The following DLGAP2 variants were observed in gnomAD, a reference collection of about 807,000 sequenced individuals.
DLGAP2 encodes the protein disks large-associated protein 2.
In DLGAP2, 26 loss-of-function variants were observed where a neutral mutation model predicts 100.3. The observed-to-expected ratio is 0.26, with a 90% confidence interval of 0.19 to 0.36. The LOEUF (loss-of-function observed/expected upper bound fraction) is 0.36. Ranked by LOEUF, DLGAP2 falls within the 10% of genes least tolerant of loss-of-function variation. The pLI is 1.00. For missense variants in DLGAP2, 1,858 were observed against 1,453.2 expected, an observed-to-expected ratio of 1.28 and a Z score of -4.53; for synonymous variants, 886 against 630.1, an observed-to-expected ratio of 1.41 and a Z score of -6.08.
chr8:1,535,529 T>C (rs1801128377), intron 4 of DLGAP2, among the ~76,000 whole-genome samples: 1 of 152,200 alleles, frequency 6.6e-6, no homozygotes, highest in South Asian at 2.1e-4. Flanking sequence ...GTTCAAGCGG[T>C]CAGATGGGCA....
At chr8:977,442 G>C (rs1800194593) in intron 2 of DLGAP2, among the ~76,000 whole-genome samples, 2 of 152,196 alleles carry the variant, frequency 1.3e-5, no homozygotes, top group South Asian at 4.1e-4. Context: ...CTAGGTTTCT[G>C]ACCCCTGTGA....
chr8:983,653 A>T (rs541480215), intron 2 of DLGAP2, among the ~76,000 whole-genome samples: 32 of 152,256 alleles, frequency 2.1e-4, no homozygotes, highest in African/African-American at 7.5e-4. Context: ...TAATTAAAAG[A>T]AGTTTTTGGG....
intron 2 of DLGAP2, among the ~76,000 whole-genome samples, chr8:1,128,567 G>A (rs1370840747): frequency 1.3e-5 from 2 of 152,212 alleles, no homozygotes; most frequent in Admixed American, 6.5e-5. Flanking sequence ...CACAGCCTGG[G>A]TGTGCGGCAG....
chr8:1,541,330 A>C (rs1801354815), intron 4 of DLGAP2, among the ~76,000 whole-genome samples: 1 of 152,212 alleles, frequency 6.6e-6, no homozygotes, highest in Non-Finnish European at 1.5e-5. Flanking sequence ...ACTCAGATTA[A>C]AATGGCCGTT....
At chr8:1,672,063 ATG>A (rs1252288799) in intron 10 of DLGAP2, among the ~76,000 whole-genome samples, 1 of 151,968 alleles carries the variant, frequency 6.6e-6, no homozygotes, top group Non-Finnish European at 1.5e-5. Context: ...TTTTGTGTGC[ATG>A]TGTGTGTTTG....
chr8:1,193,865 G>T (rs144602904), intron 2 of DLGAP2, among the ~76,000 whole-genome samples: 1 of 152,234 alleles, frequency 6.6e-6, no homozygotes, highest in African/African-American at 2.4e-5. Context: ...GGCCTCTAGA[G>T]CCTCCGCACC....
chr8:824,375 G>A (rs12544999), intron 1 of DLGAP2, among the ~76,000 whole-genome samples: 1 of 152,042 alleles, frequency 6.6e-6, no homozygotes, highest in Non-Finnish European at 1.5e-5. Context: ...CCATGCCCGG[G>A]CACATTCCTT....
intron 3 of DLGAP2, among the ~76,000 whole-genome samples, chr8:1,367,721 A>G (rs975379226): frequency 6.6e-6 from 1 of 152,234 alleles, no homozygotes; most frequent in South Asian, 2.1e-4. Context: ...TGTCTCATTT[A>G]AAACGGTTCC....
intron 6 of DLGAP2, 87 bp downstream of exon 6, chr8:1,565,981 G>A (rs1336894532): frequency 1.7e-6 from 2 of 1,157,802 alleles, no homozygotes; most frequent in African/African-American, 1.6e-5. Context: ...CGTGAGCTGA[G>A]TGCCATCCAT....
At chr8:1,341,905 A>T (rs142972034) in intron 3 of DLGAP2, among the ~76,000 whole-genome samples, 4 of 152,084 alleles carry the variant, frequency 2.6e-5, no homozygotes, top group African/African-American at 9.7e-5. Flanking sequence ...GGGTGAAGCA[A>T]TTGAGGTCTG....
intron 2 of DLGAP2, among the ~76,000 whole-genome samples, chr8:1,111,458 C>G (rs1377655994): frequency 7.2e-5 from 11 of 151,860 alleles, no homozygotes; most frequent in Admixed American, 6.6e-4. Flanking sequence ...CTTAGGTTAA[C>G]TCATGTCACA....
intron 2 of DLGAP2, among the ~76,000 whole-genome samples, chr8:1,132,819 G>A (rs1462572302): frequency 6.6e-6 from 1 of 152,248 alleles, no homozygotes; most frequent in Non-Finnish European, 1.5e-5. Flanking sequence ...AGGACGCCCA[G>A]TCGCTGGGGC....
chr8:1,387,518 A>T (rs572395819), intron 3 of DLGAP2, among the ~76,000 whole-genome samples: 1 of 152,260 alleles, frequency 6.6e-6, no homozygotes, highest in African/African-American at 2.4e-5. Context: ...CTGGAGAAGG[A>T]CGGTGGTCGT....
chr8:1,566,189 C>G (rs1425462720), intron 6 of DLGAP2, among the ~76,000 whole-genome samples: 2 of 152,134 alleles, frequency 1.3e-5, no homozygotes, highest in Admixed American at 6.5e-5. Flanking sequence ...ATCCTCAGGA[C>G]AAGCACATGT....
At chr8:1,164,248 A>AACCCCCCAGG (rs1796961698) in intron 2 of DLGAP2, among the ~76,000 whole-genome samples, 4 of 130,496 alleles carry the variant, frequency 3.1e-5, no homozygotes, top group Non-Finnish European at 4.9e-5. Context: ...TTTTTCTGTG[A>AACCCCCCAGG]GCCCCCCCAG....
chr8:1,187,692 CA>C (rs1797539978), intron 2 of DLGAP2, among the ~76,000 whole-genome samples: 2 of 147,942 alleles, frequency 1.4e-5, no homozygotes, highest in Non-Finnish European at 1.5e-5. Flanking sequence ...CTCACACGCC[CA>C]GGACCTCTGT....
chr8:1,507,023 C>A (rs185492215), intron 4 of DLGAP2, among the ~76,000 whole-genome samples: 1 of 152,266 alleles, frequency 6.6e-6, no homozygotes, highest in South Asian at 2.1e-4. Flanking sequence ...ACACAGAGTT[C>A]TCATTGGTGC....
At chr8:1,437,672 C>T (rs910599497) in intron 3 of DLGAP2, among the ~76,000 whole-genome samples, 21 of 151,916 alleles carry the variant, frequency 1.4e-4, no homozygotes, top group African/African-American at 4.8e-4. Context: ...TCAGTTTATA[C>T]ATTAAAAATA....
chr8:1,668,773 T>G, intron 9 of DLGAP2, 95 bp downstream of exon 9: 6 of 1,134,714 alleles, frequency 5.3e-6, no homozygotes, highest in Non-Finnish European at 7.3e-6. Flanking sequence ...CCTGGGTCCT[T>G]AGCACTGACT....
Sources: allele counts gnomAD v4.1 joint callset (sites outside exome capture counted in the v4.1 genomes callset), GRCh38; gene constraint gnomAD v4.1.1; transcripts MANE v1.5; gene names NCBI Gene and HGNC (gene_info 2026-07-23, HGNC 2026-07-21).